ARHGAP15: variants seen among roughly 807,000 people sequenced by gnomAD.
ARHGAP15 encodes Rho GTPase activating protein 15.
Under a neutral mutation model 63.7 loss-of-function variants are expected in ARHGAP15, and 51 were observed. The observed-to-expected ratio is 0.80, with a 90% confidence interval of 0.64 to 1.01. The LOEUF (loss-of-function observed/expected upper bound fraction) is 1.01. ARHGAP15 is among the 50% of genes least tolerant of loss of function. ARHGAP15 has a pLI of 0.00. For missense variants in ARHGAP15, 560 were observed against 564.6 expected (o/e 0.99, Z 0.08); for synonymous variants, 191 against 193.8 (o/e 0.99, Z 0.12).
chr2:143,526,751 C>A (rs1402040724), intron 10 of ARHGAP15, among the ~76,000 whole-genome samples: 2 of 152,118 alleles, frequency 1.3e-5, no homozygotes. Flanking sequence ...TTCAGGTTTT[C>A]AAAAAGCAGA....
intron 6 of ARHGAP15, among the ~76,000 whole-genome samples, chr2:143,394,113 A>G (rs1687659923): frequency 2.0e-5 from 3 of 152,212 alleles, no homozygotes; most frequent in African/African-American, 7.2e-5. Context: ...CCTACAATAC[A>G]TACAATGACA....
At position 143,541,361 on chromosome 2, in the gene ARHGAP15, CCTT is replaced by C. The variant is rs549454663; in HGVS notation, c.926-15041_926-15039del. On this transcript the variant is annotated intron_variant, in intron 10 of 13. Transcript: ENST00000295095. Reference sequence around the variant, plus strand: ...CTCAGAGTAATTTGATCTTCTGAAGCCTTCTTCTCTCAACTCGTCAAAGTCATT... The same window carrying C: ...CTCAGAGTAATTTGATCTTCTGAAGCCTTCTCTCAACTCGTCAAAGTCATT... Among the ~76,000 whole-genome samples the C allele has an allele frequency of 9.2e-5, 14 of 152,294 alleles. No individual in the cohort carries two copies. In the South Asian group the frequency reaches 2.5e-3, roughly 27 times the overall value.
At chr2:143,255,180 T>C (rs1364593955) in intron 6 of ARHGAP15, among the ~76,000 whole-genome samples, 1 of 152,110 alleles carries the variant, frequency 6.6e-6, no homozygotes, top group Non-Finnish European at 1.5e-5. Flanking sequence ...TAATAAATCA[T>C]GGCTGATTAG....
intron 11 of ARHGAP15, among the ~76,000 whole-genome samples, chr2:143,603,332 G>T (rs1171244523): frequency 6.6e-6 from 1 of 152,154 alleles, no homozygotes; most frequent in Non-Finnish European, 1.5e-5. Context: ...ATCAGTCTAT[G>T]CCACTAAATG....
chr2:143,721,061 C>A (rs1266924951), intron 13 of ARHGAP15, among the ~76,000 whole-genome samples: 82 of 78,362 alleles, frequency 1.0e-3, no homozygotes, highest in African/African-American at 2.1e-3. Flanking sequence ...GACTCCGTCT[C>A]AAAAAAAAAA....
chr2:143,406,188 G>A (rs1688191660), intron 6 of ARHGAP15, among the ~76,000 whole-genome samples: 2 of 151,676 alleles, frequency 1.3e-5, no homozygotes, highest in African/African-American at 4.8e-5. Context: ...TTACTAGTTT[G>A]TATTTTGATC....
chr2:143,536,602 C>G (rs924698011), intron 10 of ARHGAP15, among the ~76,000 whole-genome samples: 4 of 150,696 alleles, frequency 2.7e-5, no homozygotes, highest in Admixed American at 6.6e-5. Context: ...CAATTCCCAC[C>G]TATGAACGAG....
chr2:143,666,498 C>T (rs1682195089), intron 12 of ARHGAP15, among the ~76,000 whole-genome samples: 1 of 149,170 alleles, frequency 6.7e-6, no homozygotes, highest in South Asian at 2.2e-4. Context: ...CCATTCAGGA[C>T]ATAGGCATGG....
chr2:143,677,373 T>C (rs1682879274), intron 12 of ARHGAP15, among the ~76,000 whole-genome samples: 1 of 152,222 alleles, frequency 6.6e-6, no homozygotes, highest in Non-Finnish European at 1.5e-5. Flanking sequence ...CCTTGGTTGT[T>C]GGAACCCTCA....
At chr2:143,398,496 A>C (rs1380224667) in intron 6 of ARHGAP15, among the ~76,000 whole-genome samples, 1 of 152,072 alleles carries the variant, frequency 6.6e-6, no homozygotes, top group Non-Finnish European at 1.5e-5. Flanking sequence ...TCCAAGCATA[A>C]TGCTGTATAT....
At chr2:143,390,008 T>TAA (rs140037498) in intron 6 of ARHGAP15, among the ~76,000 whole-genome samples, 3,109 of 135,324 alleles carry the variant, frequency 0.023, 108 homozygotes, top group African/African-American at 0.076. Flanking sequence ...AGTCCTTTAT[T>TAA]AAAAAAAAAA....
rs1558841697 is a variant in ARHGAP15, at chr2:143,250,490, AC to A, written c.385-20del. 6.3e-7 allele frequency: 1 copy of A among 1,593,666 alleles called. No individual in the cohort carries two copies. ...TACAGTGTTGCATCCTCTTATTCTTACTTCATTTTTGTGATTACAGAAAACT... is the reference window on the plus strand; with the variant it reads ...TACAGTGTTGCATCCTCTTATTCTTATTCATTTTTGTGATTACAGAAAACT... On this transcript the variant is annotated intron_variant, in intron 5 of 13. Transcript: ENST00000295095.
intron 6 of ARHGAP15, among the ~76,000 whole-genome samples, chr2:143,399,343 C>T (rs1687901485): frequency 8.0e-6 from 1 of 124,364 alleles, no homozygotes; most frequent in African/African-American, 3.0e-5. Flanking sequence ...CACTTAGGCT[C>T]AAAGAGCACT....
At chr2:143,171,347 G>C (rs1030153310) in intron 2 of ARHGAP15, among the ~76,000 whole-genome samples, 19 of 152,104 alleles carry the variant, frequency 1.2e-4, no homozygotes, top group African/African-American at 4.6e-4. Context: ...CCAGAATTCT[G>C]TTGCTCTTCG....
At chr2:143,569,889 C>T (rs540435760) in intron 11 of ARHGAP15, among the ~76,000 whole-genome samples, 4 of 152,160 alleles carry the variant, frequency 2.6e-5, no homozygotes, top group Admixed American at 1.3e-4. Context: ...TTCCATATGC[C>T]TTTTAAACCA....
chr2:143,311,039 A>AT, intron 6 of ARHGAP15, among the ~76,000 whole-genome samples: 1 of 152,078 alleles, frequency 6.6e-6, no homozygotes, highest in South Asian at 2.1e-4. Context: ...AAGGGTTGTT[A>AT]TTTTTTCTCA....
rs574927224 is a variant in ARHGAP15 at position 143,728,740 on chromosome 2, C to T, written c.1244+25216C>T. Among the ~76,000 whole-genome samples, 9 of 152,268 alleles carry T rather than the reference C, an allele frequency of 5.9e-5. 1 individual carries two copies. The East Asian group carries it at 1.4e-3, about 23-fold the overall frequency. ...ACCACAGTGCCCGACCGAGCCCCACCCCGCCTTCAGGGACCCCGGTCTAGA... is the reference window on the plus strand; with the variant it reads ...ACCACAGTGCCCGACCGAGCCCCACTCCGCCTTCAGGGACCCCGGTCTAGA... On this transcript the variant is annotated intron_variant, in intron 13 of 13. Coordinates refer to ENST00000295095, the MANE Select transcript of ARHGAP15 (RefSeq NM_018460.4).
chr2:143,273,630 T>A (rs925725159), intron 6 of ARHGAP15, among the ~76,000 whole-genome samples: 2 of 152,156 alleles, frequency 1.3e-5, no homozygotes, highest in African/African-American at 2.4e-5. Flanking sequence ...ATGCCATATG[T>A]TGCATGACAT....
At chr2:143,696,354 T>C (rs1683844430) in intron 12 of ARHGAP15, among the ~76,000 whole-genome samples, 1 of 150,056 alleles carries the variant, frequency 6.7e-6, no homozygotes, top group Admixed American at 6.7e-5. Flanking sequence ...GGTTTTCTTA[T>C]TTATATATAA....
Sources: gnomAD v4.1 joint callset for allele counts (sites outside exome capture counted in the v4.1 genomes callset) on GRCh38, gnomAD v4.1.1 for gene constraint, MANE v1.5 for transcripts, NCBI Gene and HGNC (gene_info 2026-07-23, HGNC 2026-07-21) for gene names.